SLC12A8: variants seen among roughly 807,000 people sequenced by gnomAD.
The protein encoded by SLC12A8 is solute carrier family 12 member 8.
SLC12A8 carries 69 observed loss-of-function variants against 75.6 expected under a neutral mutation model. The ratio of observed to expected loss-of-function variants is 0.91; its 90% CI spans 0.75 to 1.11. The LOEUF (loss-of-function observed/expected upper bound fraction) is 1.11. Ranked by LOEUF, SLC12A8 falls within the 50% of genes most tolerant of loss-of-function variation. The pLI, the probability that SLC12A8 is intolerant of heterozygous loss-of-function variation, is 0.00. For missense variants in SLC12A8, 877 were observed against 896.7 expected, an observed-to-expected ratio of 0.98 and a Z score of 0.28; for synonymous variants, 365 against 372.8, an observed-to-expected ratio of 0.98 and a Z score of 0.24.
chr3:125,153,367 A>G (rs935242410), intron 5 of SLC12A8, among the ~76,000 whole-genome samples: 14 of 152,208 alleles, frequency 9.2e-5, no homozygotes, highest in African/African-American at 3.4e-4. Flanking sequence ...GATTTTCTGT[A>G]GCTGCCTATC....
chr3:125,166,946 G>T (rs901097404), intron 5 of SLC12A8, among the ~76,000 whole-genome samples: 1 of 152,148 alleles, frequency 6.6e-6, no homozygotes, highest in Non-Finnish European at 1.5e-5. Context: ...ATGAGCCTCC[G>T]GACAGTGGTC....
intron 6 of SLC12A8, among the ~76,000 whole-genome samples, chr3:125,124,790 C>G (rs1160450324): frequency 6.6e-6 from 1 of 152,174 alleles, no homozygotes; most frequent in African/African-American, 2.4e-5. Flanking sequence ...TATTTTTTTC[C>G]TGTCTGTGTT....
chr3:125,083,850 C>T lies in SLC12A8; in HGVS notation c.*40G>A, dbSNP rs1284813321. 1.3e-6 allele frequency: 2 copies of T among 1,590,176 alleles called. No individual in the cohort carries two copies. Among genetic ancestry groups the T allele is most frequent in the East Asian group, 4.6e-5 (2 of 43,664 alleles). ...AGGTCCTGAGCTTGGGTCCACTGTA[C>T]ATGGGACAGCTCCAAAAGAGGAAGG... is the stretch of plus-strand genomic sequence containing the variant. On this transcript the variant is annotated 3_prime_UTR_variant, in exon 14 of 14. Transcript: ENST00000469902.
At chr3:125,179,701 T>C (rs796295479) in intron 4 of SLC12A8, among the ~76,000 whole-genome samples, 3 of 99,362 alleles carry the variant, frequency 3.0e-5, no homozygotes, top group African/African-American at 1.2e-4. Context: ...ATACAATCAT[T>C]TCTGAGAGAG....
At chr3:125,186,893 G>C (rs1453243074) in intron 4 of SLC12A8, among the ~76,000 whole-genome samples, 1 of 152,230 alleles carries the variant, frequency 6.6e-6, no homozygotes, top group Non-Finnish European at 1.5e-5. Context: ...CCAGGGCCCA[G>C]GCCACCTGGC....
chr3:125,188,332 AG>A (rs1934837476), intron 3 of SLC12A8, among the ~76,000 whole-genome samples: 1 of 152,236 alleles, frequency 6.6e-6, no homozygotes, highest in Non-Finnish European at 1.5e-5. Context: ...TACAGCCTGC[AG>A]AACTGTGAGC....
chr3:125,091,361 G>A, intron 12 of SLC12A8, 78 bp downstream of exon 12: 1 of 919,078 alleles, frequency 1.1e-6, no homozygotes, highest in Non-Finnish European at 1.8e-6. Flanking sequence ...GCATTCAATT[G>A]ATATTCAAAA....
intron 8 of SLC12A8, among the ~76,000 whole-genome samples, chr3:125,116,245 T>A (rs1211594374): frequency 1.3e-5 from 2 of 152,198 alleles, no homozygotes; most frequent in African/African-American, 4.8e-5. Flanking sequence ...GCTTACTGAC[T>A]TGCTGCACCT....
chr3:125,158,284 G>A (rs1204410635), intron 5 of SLC12A8, among the ~76,000 whole-genome samples: 8 of 151,648 alleles, frequency 5.3e-5, no homozygotes, highest in Non-Finnish European at 1.0e-4. Flanking sequence ...GCAGTGGCGC[G>A]ATCTTGGCTC....
intron 2 of SLC12A8, among the ~76,000 whole-genome samples, chr3:125,208,775 CACACACACACACACACAGAG>C (rs558243976): frequency 0.015 from 1,986 of 128,822 alleles, 25 homozygotes; most frequent in Non-Finnish European, 0.025. Flanking sequence ...CACACACACA[CACACACACACACACACAGAG>C]AGAGAGAGAG....
At chr3:125,120,823 C>A in intron 6 of SLC12A8, 137 bp from the exon 7 acceptor site, 1 of 726,820 alleles carries the variant, frequency 1.4e-6, no homozygotes, top group Non-Finnish European at 2.5e-6. Flanking sequence ...CAGCTCTGCG[C>A]ATAGGCTGCT....
At chr3:125,129,889 G>T (rs1157106055) in intron 6 of SLC12A8, among the ~76,000 whole-genome samples, 2 of 152,224 alleles carry the variant, frequency 1.3e-5, no homozygotes, top group African/African-American at 4.8e-5. Flanking sequence ...GACACGGAGG[G>T]CAGCTCTCCA....
intron 5 of SLC12A8, among the ~76,000 whole-genome samples, chr3:125,176,145 G>T (rs1161919813): frequency 6.6e-6 from 1 of 152,182 alleles, no homozygotes; most frequent in East Asian, 1.9e-4. Flanking sequence ...CAGAGTTGCT[G>T]TCACAAAAAG....
chr3:125,126,564 A>T (rs1432801851), intron 6 of SLC12A8, among the ~76,000 whole-genome samples: 1 of 152,152 alleles, frequency 6.6e-6, no homozygotes, highest in East Asian at 1.9e-4. Flanking sequence ...ATCACCAATT[A>T]CCACAAGCCC....
At chr3:125,110,148 A>G in intron 9 of SLC12A8, 41 bp downstream of exon 9, 1 of 1,592,846 alleles carries the variant, frequency 6.3e-7, no homozygotes, top group Non-Finnish European at 8.6e-7. Context: ...TAGCAGCAAA[A>G]CATGTTTCAA....
chr3:125,128,241 C>T (rs1388841089), intron 6 of SLC12A8, among the ~76,000 whole-genome samples: 2 of 114,050 alleles, frequency 1.8e-5, no homozygotes, highest in Admixed American at 1.1e-4. Flanking sequence ...AGTGCAGTGG[C>T]GGGATCTCGG....
intron 6 of SLC12A8, among the ~76,000 whole-genome samples, chr3:125,121,982 C>T (rs928666551): frequency 6.6e-5 from 10 of 152,104 alleles, no homozygotes; most frequent in Admixed American, 3.3e-4. Flanking sequence ...TGTTTATAAA[C>T]GCTTGTTTAG....
chr3:125,192,397 T>A (rs772153708), intron 2 of SLC12A8, among the ~76,000 whole-genome samples: 1 of 152,150 alleles, frequency 6.6e-6, no homozygotes, highest in Non-Finnish European at 1.5e-5. Context: ...CACCTAAACA[T>A]TACTTGCCCT....
At chr3:125,192,765 A>T (rs1387816999) in intron 2 of SLC12A8, 1 of 154,416 alleles carries the variant, frequency 6.5e-6, no homozygotes, top group East Asian at 1.9e-4. Flanking sequence ...CAGGATATTG[A>T]GGGGTGTGTA....
Sources: gnomAD v4.1 joint callset for allele counts (sites outside exome capture counted in the v4.1 genomes callset) on GRCh38, gnomAD v4.1.1 for gene constraint, MANE v1.5 for transcripts, NCBI Gene and HGNC (gene_info 2026-07-23, HGNC 2026-07-21) for gene names.